ITGA9: variants seen among roughly 807,000 people sequenced by gnomAD.
The protein encoded by ITGA9 is integrin subunit alpha 9.
In ITGA9, 56 loss-of-function variants were observed where a neutral mutation model predicts 127.8. The observed-to-expected ratio is 0.44, with a 90% CI of 0.35 to 0.55. ITGA9 has a LOEUF of 0.55. ITGA9 is among the 20% of genes least tolerant of loss of function. The pLI is 0.00. For missense variants in ITGA9, 1,196 were observed against 1,347.1 expected (o/e 0.89, Z 1.76); for synonymous variants, 508 against 514.5 (o/e 0.99, Z 0.17).
chr3:37,568,708 T>C (rs1206513978), intron 15 of ITGA9, among the ~76,000 whole-genome samples: 2 of 152,194 alleles, frequency 1.3e-5, no homozygotes, highest in African/African-American at 4.8e-5. Flanking sequence ...GTCTCTTTGC[T>C]AAAACAGCAA....
intron 16 of ITGA9, among the ~76,000 whole-genome samples, chr3:37,646,317 C>A (rs1253774583): frequency 1.3e-5 from 2 of 152,322 alleles, no homozygotes; most frequent in African/African-American, 2.4e-5. Context: ...TACTGTCTCA[C>A]CCTTTTCAGA....
In ITGA9 at chr3:37,452,623, C is replaced by T; in HGVS notation, c.185+64C>T. 2 of 1,312,970 alleles carry T rather than the reference C, an allele frequency of 1.5e-6. No individual in the cohort carries two copies. The highest frequency in any genetic ancestry group is 1.5e-5 in the South Asian group (1 of 64,828). 81.3% of individuals were successfully genotyped at this position (1,312,970 alleles called of 1,614,324 possible). ...GCCACCGCCCCGGCCCCCAGGCCAG[C>T]GCCGCCGCCGCCTTTCCGGTCTCTT... On this transcript the variant is annotated intron_variant, in intron 1 of 27. Transcript: ENST00000264741. The surrounding 1 kb of genome is among the most constrained non-coding windows in gnomAD (Gnocchi z 7.3).
Position 37,642,813 on chromosome 3 carries a change from C to T in ITGA9, c.1840-10901C>T, listed in dbSNP as rs115048677. ...TTTGGGTCTCCATTGTGCTGGAAATCGTCACTACAGCTCCTCCCACCCCAC... is the reference window on the plus strand; with the variant it reads ...TTTGGGTCTCCATTGTGCTGGAAATTGTCACTACAGCTCCTCCCACCCCAC... On this transcript the variant is annotated intron_variant, in intron 16 of 27. Coordinates refer to ENST00000264741, the MANE Select transcript of ITGA9 (RefSeq NM_002207.3). Among the ~76,000 whole-genome samples the T allele has an allele frequency of 4.0e-3, 604 of 152,296 alleles. 6 individuals carry two copies. Among genetic ancestry groups the T allele is most frequent in the African/African-American group, 0.013 (549 of 41,562 alleles).
intron 26 of ITGA9, among the ~76,000 whole-genome samples, chr3:37,786,169 T>C (rs966577724): frequency 6.6e-6 from 1 of 152,186 alleles, no homozygotes; most frequent in South Asian, 2.1e-4. Flanking sequence ...GAATTTACCC[T>C]CTCTTAGAAC....
At chr3:37,512,966 C>G (rs903240044) in intron 8 of ITGA9, among the ~76,000 whole-genome samples, 6 of 152,246 alleles carry the variant, frequency 3.9e-5, no homozygotes, top group Non-Finnish European at 7.3e-5. Flanking sequence ...TTATCTTGCT[C>G]TGTTCCCTCA....
chr3:37,647,863 ATG>A (rs1553654337), intron 16 of ITGA9, among the ~76,000 whole-genome samples: 5 of 151,898 alleles, frequency 3.3e-5, no homozygotes, highest in African/African-American at 1.2e-4. Context: ...GTATATATAT[ATG>A]TGTGTGTGTG....
In ITGA9 at chr3:37,493,999, A is replaced by G. The variant is rs547752234; in HGVS notation, c.545-502A>G. 2.6e-5 allele frequency among the ~76,000 whole-genome samples: 4 copies of G among 152,302 alleles called. No individual in the cohort carries two copies. In the East Asian group the frequency reaches 7.7e-4, roughly 29 times the overall value. On this transcript the variant is annotated intron_variant, in intron 4 of 27. Transcript: ENST00000264741. The stretch of plus-strand genomic sequence containing the variant: ...CACAGCAATAGTGTAACCGAATGCC[A>G]GAGCAGTCCCTTCTTCTTGCGGTCC...
chr3:37,495,576 C>A (rs1299293020), intron 5 of ITGA9, among the ~76,000 whole-genome samples: 1 of 152,158 alleles, frequency 6.6e-6, no homozygotes, highest in African/African-American at 2.4e-5. Context: ...AATATGACAG[C>A]TTTTATTACT....
At chr3:37,477,507 C>T (rs1382075254) in intron 3 of ITGA9, among the ~76,000 whole-genome samples, 1 of 152,154 alleles carries the variant, frequency 6.6e-6, no homozygotes, top group African/African-American at 2.4e-5. Context: ...CATCTCAGCT[C>T]CATGGACACT....
intron 15 of ITGA9, among the ~76,000 whole-genome samples, chr3:37,611,835 C>T (rs1187251162): frequency 2.6e-5 from 4 of 152,092 alleles, no homozygotes; most frequent in African/African-American, 9.7e-5. Context: ...TCTGTAAAAG[C>T]AGAGAACACT....
At chr3:37,605,301 G>A (rs191097455) in intron 15 of ITGA9, among the ~76,000 whole-genome samples, 220 of 152,276 alleles carry the variant, frequency 1.4e-3, no homozygotes, top group African/African-American at 5.1e-3. Context: ...GGGGCCTGGT[G>A]GGCCATGCTC....
chr3:37,564,278 T>A (rs1699524260), intron 15 of ITGA9, among the ~76,000 whole-genome samples: 1 of 152,238 alleles, frequency 6.6e-6, no homozygotes, highest in Non-Finnish European at 1.5e-5. Context: ...TTCAGCTTCA[T>A]GTTTTAATAA....
At chr3:37,622,152 T>TTTC (rs397762810) in intron 15 of ITGA9, among the ~76,000 whole-genome samples, 25 of 150,550 alleles carry the variant, frequency 1.7e-4, no homozygotes, top group African/African-American at 6.1e-4. Context: ...TTTTTTTTTT[T>TTTC]CCCCGGCTCA....
Position 37,626,986 on chromosome 3 carries a change from C to T in ITGA9, c.1690-2201C>T, listed in dbSNP as rs189624755. 2.6e-5 allele frequency among the ~76,000 whole-genome samples: 4 copies of T among 152,296 alleles called. No homozygotes were observed. The East Asian group carries it at 7.7e-4, about 29-fold the overall frequency. On this transcript the variant is annotated intron_variant, in intron 15 of 27. Transcript: ENST00000264741. ...CATTCATCCTTCTCCACACCGCGGG[C>T]AGTCTTCAAATTCTGGTTAGCAGAG...
At chr3:37,468,895 G>C (rs912017622) in intron 1 of ITGA9, among the ~76,000 whole-genome samples, 2 of 152,166 alleles carry the variant, frequency 1.3e-5, no homozygotes, top group Admixed American at 1.3e-4. Context: ...AAGTGGCTTG[G>C]CATTTTCTAC....
chr3:37,485,663 G>A (rs1698602405), intron 4 of ITGA9, among the ~76,000 whole-genome samples: 1 of 152,114 alleles, frequency 6.6e-6, no homozygotes, highest in Non-Finnish European at 1.5e-5. Context: ...AATATGTGGG[G>A]ATCTCTCCAA....
chr3:37,645,669 A>G (rs975353498), intron 16 of ITGA9, among the ~76,000 whole-genome samples: 1 of 152,162 alleles, frequency 6.6e-6, no homozygotes, highest in Non-Finnish European at 1.5e-5. Flanking sequence ...AGGCCTCAGC[A>G]TGGGATTTGG....
intron 23 of ITGA9, among the ~76,000 whole-genome samples, chr3:37,767,262 CGTT>C (rs1423892828): frequency 1.3e-5 from 2 of 152,190 alleles, no homozygotes; most frequent in African/African-American, 4.8e-5. Flanking sequence ...TCCTCTGAAA[CGTT>C]GGTCTGGAGG....
In ITGA9 at chr3:37,585,222, C is replaced by A. The variant is rs73824839; in HGVS notation, c.1689+42637C>A. Among the ~76,000 whole-genome samples, 542 of 152,248 alleles carry A rather than the reference C, an allele frequency of 3.6e-3. 6 individuals carry two copies. Among genetic ancestry groups the A allele is most frequent in the African/African-American group, 0.012 (500 of 41,552 alleles). ...CCCTTCAGTGAATTCTTTTTGTCTC[C>A]CTGGTTGAAGGAAACATCTGCTTCT... On this transcript the variant is annotated intron_variant, in intron 15 of 27. Coordinates refer to ENST00000264741, the MANE Select transcript of ITGA9 (RefSeq NM_002207.3).
Sources: allele counts gnomAD v4.1 joint callset (sites outside exome capture counted in the v4.1 genomes callset), GRCh38; gene constraint gnomAD v4.1.1; non-coding constraint Gnocchi (gnomAD v3.1); transcripts MANE v1.5; gene names NCBI Gene and HGNC (gene_info 2026-07-23, HGNC 2026-07-21).